TMEM267: variants seen among roughly 807,000 people sequenced by gnomAD.
TMEM267 encodes the protein transmembrane protein 267.
Under a neutral mutation model 19.3 loss-of-function variants are expected in TMEM267, and 20 were observed. The ratio of observed to expected loss-of-function variants is 1.04; its 90% confidence interval spans 0.73 to 1.51. The LOEUF (loss-of-function observed/expected upper bound fraction) is 1.51. TMEM267 is among the 40% of genes most tolerant of loss of function. The pLI is 0.00. For missense variants in TMEM267, 242 were observed against 261.9 expected, an observed-to-expected ratio of 0.92 and a Z score of 0.52; for synonymous variants, 88 against 90.3, an observed-to-expected ratio of 0.97 and a Z score of 0.15.
intron 1 of TMEM267, among the ~76,000 whole-genome samples, chr5:43,483,524 T>C (rs1744927546): frequency 6.6e-6 from 1 of 152,120 alleles, no homozygotes; most frequent in Admixed American, 6.5e-5. Context: ...GCGCGGAGCG[T>C]AGGCGGAGGG....
intron 1 of TMEM267, among the ~76,000 whole-genome samples, chr5:43,455,742 T>C (rs1315420096): frequency 6.6e-6 from 1 of 152,018 alleles, no homozygotes; most frequent in African/African-American, 2.4e-5. Flanking sequence ...TTAGTAGAGA[T>C]GGGTTTCACC....
In TMEM267 at chr5:43,446,766, A is replaced by T. The variant is rs530596159; in HGVS notation, c.313-209T>A. On this transcript the variant is annotated intron_variant, in intron 2 of 2. Coordinates refer to ENST00000397080, the MANE Select transcript of TMEM267 (RefSeq NM_022483.5). Reference sequence around the variant, plus strand: ...CAGGATATCCTTTACATTAAAAATAAAATCAAGGTCTCAGGAATATGGTGA... The same window carrying T: ...CAGGATATCCTTTACATTAAAAATATAATCAAGGTCTCAGGAATATGGTGA... Among the ~76,000 whole-genome samples, 193 of 152,226 alleles carry T rather than the reference A, an allele frequency of 1.3e-3. 1 individual carries two copies. Among genetic ancestry groups the T allele is most frequent in the African/African-American group, 4.5e-3 (188 of 41,570 alleles).
intron 1 of TMEM267, among the ~76,000 whole-genome samples, chr5:43,460,759 G>A (rs145072519): frequency 4.6e-5 from 7 of 152,290 alleles, no homozygotes; most frequent in African/African-American, 1.2e-4. Context: ...GTCCAGCCAC[G>A]GAGGGAGCAT....
At chr5:43,483,383 A>G (rs1052526703) in intron 1 of TMEM267, among the ~76,000 whole-genome samples, 1 of 152,212 alleles carries the variant, frequency 6.6e-6, no homozygotes, top group Non-Finnish European at 1.5e-5. Flanking sequence ...GGAAAGGACC[A>G]TGTCACACTC....
chr5:43,473,928 T>C (rs1256382310), intron 1 of TMEM267, among the ~76,000 whole-genome samples: 2 of 152,062 alleles, frequency 1.3e-5, no homozygotes, highest in Non-Finnish European at 2.9e-5. Flanking sequence ...TATAGATCAA[T>C]GGAACAGAAC....
In TMEM267 at chr5:43,466,287, A is replaced by G. The variant is rs548189090; in HGVS notation, c.-74-12244T>C. On this transcript the variant is annotated intron_variant, in intron 1 of 2. Transcript: ENST00000397080. Reference sequence around the variant, plus strand: ...ACAAATAACATACTATAGAGCTTCAATACATCTGGCAGCAGACTTTTCAGT... The same window carrying G: ...ACAAATAACATACTATAGAGCTTCAGTACATCTGGCAGCAGACTTTTCAGT... Among the ~76,000 whole-genome samples the G allele has an allele frequency of 7.2e-5, 11 of 152,326 alleles. No homozygotes were observed. In the South Asian group the frequency reaches 1.7e-3, roughly 23 times the overall value.
intron 1 of TMEM267, among the ~76,000 whole-genome samples, chr5:43,477,049 C>T (rs1744469503): frequency 6.7e-6 from 1 of 148,720 alleles, no homozygotes; most frequent in South Asian, 2.1e-4. Flanking sequence ...AAAAGCCAGG[C>T]GTGGTGGTGT....
At chr5:43,462,175 T>G (rs1220310782) in intron 1 of TMEM267, among the ~76,000 whole-genome samples, 1 of 152,236 alleles carries the variant, frequency 6.6e-6, no homozygotes, top group African/African-American at 2.4e-5. Context: ...ATCTTGTCCA[T>G]GACCATCAAG....
intron 1 of TMEM267, among the ~76,000 whole-genome samples, chr5:43,456,883 T>C (rs1742983930): frequency 6.6e-6 from 1 of 152,216 alleles, no homozygotes; most frequent in Non-Finnish European, 1.5e-5. Flanking sequence ...AACCCAGTCA[T>C]TCCACTTCTA....
At chr5:43,475,924 G>A (rs1201775374) in intron 1 of TMEM267, among the ~76,000 whole-genome samples, 2 of 152,162 alleles carry the variant, frequency 1.3e-5, no homozygotes, top group Admixed American at 6.5e-5. Flanking sequence ...GCTTTGTACT[G>A]TATCAACTCA....
At position 43,453,293 on chromosome 5, in the gene TMEM267, A is replaced by G. The variant is rs140970583; in HGVS notation, c.312+365T>C. On this transcript the variant is annotated intron_variant, in intron 2 of 2. Transcript: ENST00000397080. ...AAATGTTAAGTGTGCTCCTGAAGAAAGTACACTGATACAGAAAGAACTAGG... is the reference window on the plus strand; with the variant it reads ...AAATGTTAAGTGTGCTCCTGAAGAAGGTACACTGATACAGAAAGAACTAGG... Among the ~76,000 whole-genome samples the G allele has an allele frequency of 2.3e-3, 347 of 152,388 alleles. 2 individuals are homozygous for G. Among genetic ancestry groups the G allele is most frequent in the African/African-American group, 7.9e-3 (329 of 41,590 alleles).
intron 1 of TMEM267, among the ~76,000 whole-genome samples, chr5:43,466,072 TA>T (rs766527343): frequency 3.3e-5 from 5 of 151,928 alleles, no homozygotes; most frequent in Non-Finnish European, 4.4e-5. Flanking sequence ...GAGGAAGAGA[TA>T]GGGGTAGAAA....
intron 1 of TMEM267, among the ~76,000 whole-genome samples, chr5:43,465,305 C>A (rs1743581761): frequency 6.6e-6 from 1 of 152,184 alleles, no homozygotes; most frequent in African/African-American, 2.4e-5. Flanking sequence ...AGTCAGGAAA[C>A]AACAGGTGCT....
At chr5:43,454,933 T>C (rs182660988) in intron 1 of TMEM267, among the ~76,000 whole-genome samples, 98 of 152,356 alleles carry the variant, frequency 6.4e-4, no homozygotes, top group Admixed American at 1.9e-3. Context: ...TTCTTTTACA[T>C]TGTTTTGTTT....
At chr5:43,481,101 GCTTA>G (rs1420017427) in intron 1 of TMEM267, among the ~76,000 whole-genome samples, 29 of 146,772 alleles carry the variant, frequency 2.0e-4, no homozygotes, top group Admixed American at 1.7e-3. Context: ...ACTGCGCCCG[GCTTA>G]CTTTTTTTTT....
chr5:43,463,691 CA>C (rs1187740418), intron 1 of TMEM267, among the ~76,000 whole-genome samples: 5 of 152,200 alleles, frequency 3.3e-5, no homozygotes, highest in African/African-American at 1.2e-4. Flanking sequence ...TAAACAGAAG[CA>C]AAGCCAAAAA....
chr5:43,476,708 T>C (rs1453555266), intron 1 of TMEM267, among the ~76,000 whole-genome samples: 2 of 151,762 alleles, frequency 1.3e-5, no homozygotes, highest in South Asian at 2.1e-4. Context: ...AGTAGCATAA[T>C]GTGAGTACAT....
chr5:43,462,707 G>A (rs1467991836), intron 1 of TMEM267, among the ~76,000 whole-genome samples: 1 of 152,082 alleles, frequency 6.6e-6, no homozygotes, highest in Non-Finnish European at 1.5e-5. Context: ...TAGTGAGCTT[G>A]AAGCCAGGCT....
At chr5:43,457,329 A>G (rs1743010602) in intron 1 of TMEM267, among the ~76,000 whole-genome samples, 1 of 152,114 alleles carries the variant, frequency 6.6e-6, no homozygotes, top group Non-Finnish European at 1.5e-5. Flanking sequence ...TAAACCTAAA[A>G]CTACTATTTA....
Sources: gnomAD v4.1 joint callset for allele counts (sites outside exome capture counted in the v4.1 genomes callset) on GRCh38, gnomAD v4.1.1 for gene constraint, MANE v1.5 for transcripts, NCBI Gene and HGNC (gene_info 2026-07-23, HGNC 2026-07-21) for gene names.